The following PRPS1 variants were observed in gnomAD, a reference collection of about 807,000 sequenced individuals.
The protein encoded by PRPS1 is ribose-phosphate pyrophosphokinase 1.
In PRPS1, 1 loss-of-function variant was observed where a neutral mutation model predicts 16.9. That is an observed-to-expected ratio of 0.06 (90% CI 0.02 to 0.28). The LOEUF is 0.28. Ranked by LOEUF, PRPS1 falls within the 10% of genes least tolerant of loss-of-function variation. PRPS1 has a pLI of 1.00. For synonymous variants in PRPS1, 70 were observed against 90.2 expected (o/e 0.78, Z 1.27); for missense variants, 47 against 254.0 (o/e 0.19, Z 5.54).
intron 3 of PRPS1, among the ~76,000 whole-genome samples, chrX:107,642,063 T>C (rs1925586341): frequency 1.8e-5 from 2 of 112,548 alleles, no homozygotes; most frequent in Admixed American, 1.9e-4. Context: ...TCACTGAGTC[T>C]GCATGTTGAC....
intron 1 of PRPS1, 25 bp from the exon 2 acceptor site, chrX:107,639,270 C>T (rs201020362): frequency 2.5e-6 from 3 of 1,203,137 alleles, no homozygotes; most frequent in Non-Finnish European, 3.4e-6. Flanking sequence ...AAATCTATTT[C>T]ATGTTCTTTC....
intron 1 of PRPS1, among the ~76,000 whole-genome samples, chrX:107,638,103 T>C (rs184335222): frequency 9.2e-6 from 1 of 108,703 alleles, no homozygotes; most frequent in Non-Finnish European, 1.9e-5. Flanking sequence ...CACACTCAGC[T>C]AATTTTTTTT....
chrX:107,648,896 A>G (rs1047938644), intron 6 of PRPS1, among the ~76,000 whole-genome samples: 10 of 111,014 alleles, frequency 9.0e-5, no homozygotes, highest in Non-Finnish European at 1.7e-4. Context: ...AGTAGCTGGG[A>G]TTACAGGCAT....
chrX:107,646,521 C>T (rs1198633119), intron 5 of PRPS1, among the ~76,000 whole-genome samples: 1 of 111,827 alleles, frequency 8.9e-6, no homozygotes, highest in Non-Finnish European at 1.9e-5. Flanking sequence ...GGTTTGGGAT[C>T]CTGGAGTAAA....
At position 107,637,277 on chromosome X, in the gene PRPS1, G is replaced by A. The variant is rs192462989; in HGVS notation, c.123-2018G>A. 6.7e-4 allele frequency among the ~76,000 whole-genome samples: 75 copies of A among 111,153 alleles called. No homozygotes were observed. In the Middle Eastern group the frequency reaches 0.018, roughly 27 times the overall value. ...GGAGTTACTTAGTAATTGGACCAGA[G>A]TACAGTTAACACAGAATGAGGGCAA... On this transcript the variant is annotated intron_variant, in intron 1 of 6. Coordinates refer to ENST00000372435, the MANE Select transcript of PRPS1 (RefSeq NM_002764.4).
intron 1 of PRPS1, among the ~76,000 whole-genome samples, chrX:107,633,023 A>G (rs1368006606): frequency 8.9e-6 from 1 of 112,065 alleles, no homozygotes; most frequent in East Asian, 2.8e-4. Flanking sequence ...TTTTTGTAAG[A>G]TCTTTTCAAA....
At chrX:107,633,421 C>CAA (rs1182721428) in intron 1 of PRPS1, among the ~76,000 whole-genome samples, 2,542 of 32,839 alleles carry the variant, frequency 0.077, 224 homozygotes, top group African/African-American at 0.22. Context: ...GACTCCATCT[C>CAA]AAAAAAAAAA....
At chrX:107,644,898 T>C (rs1925655745) in intron 4 of PRPS1, among the ~76,000 whole-genome samples, 1 of 110,995 alleles carries the variant, frequency 9.0e-6, no homozygotes, top group Non-Finnish European at 1.9e-5. Flanking sequence ...CACTGCAAGC[T>C]CCAGCTCCTG....
chrX:107,638,665 C>T (rs186400784), intron 1 of PRPS1, among the ~76,000 whole-genome samples: 9 of 111,654 alleles, frequency 8.1e-5, no homozygotes, highest in African/African-American at 2.9e-4. Context: ...AAATGATCCT[C>T]CTTCTACCCT....
At chrX:107,636,411 C>T (rs191417002) in intron 1 of PRPS1, among the ~76,000 whole-genome samples, 4 of 112,734 alleles carry the variant, frequency 3.5e-5, no homozygotes, top group African/African-American at 1.3e-4. Context: ...TGAGCCACTG[C>T]GTCCAGTCTT....
rs1315101511 is a variant in PRPS1, at chrX:107,640,119, G to A, written c.306+641G>A. 2.7e-5 allele frequency among the ~76,000 whole-genome samples: 3 copies of A among 112,674 alleles called. No homozygotes were observed. In the East Asian group the frequency reaches 8.3e-4, roughly 31 times the overall value. On this transcript the variant is annotated intron_variant, in intron 2 of 6. Coordinates refer to ENST00000372435, the MANE Select transcript of PRPS1 (RefSeq NM_002764.4). ...TTTGGGAGGCCGAGGCGGGAGGATT[G>A]CCTGAGCTCAGGAGTTTTGAGACCA...
At chrX:107,648,381 A>G (rs2147686414) in intron 6 of PRPS1, among the ~76,000 whole-genome samples, 1 of 110,260 alleles carries the variant, frequency 9.1e-6, no homozygotes, top group East Asian at 2.8e-4. Context: ...ACATTAATCT[A>G]TGAGCTTTTT....
intron 6 of PRPS1, among the ~76,000 whole-genome samples, chrX:107,648,935 T>A (rs1003969522): frequency 9.2e-6 from 1 of 108,226 alleles, no homozygotes; most frequent in Admixed American, 9.9e-5. Flanking sequence ...AATTTTTTAT[T>A]TTTAGTAGAG....
intron 5 of PRPS1, 130 bp downstream of exon 5, chrX:107,645,480 C>A: frequency 2.6e-6 from 2 of 761,363 alleles, no homozygotes; most frequent in Non-Finnish European, 4.0e-6. Context: ...ATTTTTATCA[C>A]CCAAGGCTTA....
chrX:107,649,811 C>T, intron 6 of PRPS1, 129 bp from the exon 7 acceptor site: 2 of 1,120,150 alleles, frequency 1.8e-6, no homozygotes, highest in Non-Finnish European at 2.4e-6. Context: ...AGCCTCATGA[C>T]AGGGAAACAG....
At position 107,639,442 on chromosome X, in the gene PRPS1, A is replaced by T. The variant is rs766786656; in HGVS notation, c.270A>T (p.Pro90=). The T allele has an allele frequency of 8.3e-6, 10 of 1,210,020 alleles. No homozygotes were observed. Among genetic ancestry groups the T allele is most frequent in the Non-Finnish European group, 1.1e-5 (10 of 895,359 alleles). ...ASASRVTAVI[P]CFPYARQDKK... ...CCAGCCGGGTTACTGCAGTCATCCC[A>T]TGCTTCCCTTATGCCCGGCAGGATA... Residue 90 remains proline, a synonymous_variant, in exon 2 of 7, where the codon CCA becomes CCT. Coordinates refer to ENST00000372435, the MANE Select transcript of PRPS1 (RefSeq NM_002764.4).
At position 107,628,556 on chromosome X, in the gene PRPS1, T is replaced by C. The variant is rs199968422; in HGVS notation, c.-73T>C. ...AACGCAAAGCGCTTGGTATTGAGTCTGTGGCCGACTTCGGTTCCGGTCTCT... is the reference window on the plus strand; with the variant it reads ...AACGCAAAGCGCTTGGTATTGAGTCCGTGGCCGACTTCGGTTCCGGTCTCT... On this transcript the variant is annotated 5_prime_UTR_variant, in exon 1 of 7. Transcript: ENST00000372435. The C allele has an allele frequency of 7.5e-6, 9 of 1,206,591 alleles. No individual in the cohort carries two copies. The African/African-American group carries it at 8.7e-5, about 12-fold the overall frequency.
chrX:107,632,288 A>T, intron 1 of PRPS1, among the ~76,000 whole-genome samples: 1 of 112,428 alleles, frequency 8.9e-6, no homozygotes, highest in East Asian at 2.8e-4. Context: ...GTTATTCTGT[A>T]CTAGCTGAGA....
At chrX:107,642,202 C>T (rs900725768) in intron 3 of PRPS1, among the ~76,000 whole-genome samples, 164 bp from the exon 4 acceptor site, 1 of 112,092 alleles carries the variant, frequency 8.9e-6, no homozygotes, top group Non-Finnish European at 1.9e-5. Context: ...CTCACATAGC[C>T]CAGATTCAAG....
Sources: allele counts gnomAD v4.1 joint callset (sites outside exome capture counted in the v4.1 genomes callset), GRCh38; gene constraint gnomAD v4.1.1; transcripts MANE v1.5; gene names NCBI Gene and HGNC (gene_info 2026-07-23, HGNC 2026-07-21).